Variants in MBNL1 observed in about 807,000 individuals in gnomAD.
MBNL1 encodes muscleblind-like protein 1.
In MBNL1, 8 loss-of-function variants were observed where a neutral mutation model predicts 42.2. The observed-to-expected ratio is 0.19, with a 90% CI of 0.11 to 0.34. The LOEUF is 0.34. MBNL1 is among the 10% of genes least tolerant of loss of function. MBNL1 has a pLI of 1.00. For missense variants in MBNL1, 309 were observed against 495.3 expected (o/e 0.62, Z 3.57); for synonymous variants, 169 against 173.9 (o/e 0.97, Z 0.22).
rs1433105702 is a variant in MBNL1 at position 152,432,697 on chromosome 3, G to C, written c.346-20G>C. The C allele has an allele frequency of 6.2e-7, 1 of 1,609,708 alleles. No homozygotes were observed. Among genetic ancestry groups the C allele is most frequent in the South Asian group, 1.1e-5 (1 of 90,982 alleles). On this transcript the variant is annotated intron_variant, in intron 3 of 9. Coordinates refer to ENST00000324210, the MANE Select transcript of MBNL1 (RefSeq NM_021038.5). The stretch of plus-strand genomic sequence containing the variant: ...AGCTGAGACCTGCATGTTAAATTTT[G>C]CTTTTATTTTATTTTTCAGCCAATG...
At chr3:152,258,419 G>T (rs1028664432) in intron 2 of MBNL1, among the ~76,000 whole-genome samples, 3 of 152,146 alleles carry the variant, frequency 2.0e-5, no homozygotes, top group Non-Finnish European at 4.4e-5. Flanking sequence ...ATGTCTAATA[G>T]CCAAGGCCAT....
At chr3:152,263,893 G>GT (rs2036739246), upstream of MBNL1, 1 of 151,832 alleles carries the variant, frequency 6.6e-6, no homozygotes, top group African/African-American at 2.4e-5. Context: ...AGGTTAGGTA[G>GT]TTTTTGTTCA....
chr3:152,293,967 ATATG>A (rs1424744377), intron 1 of MBNL1, among the ~76,000 whole-genome samples: 1 of 151,838 alleles, frequency 6.6e-6, no homozygotes, highest in African/African-American at 2.4e-5. Flanking sequence ...ATATATATAT[ATATG>A]TAATTTTTAA....
intron 2 of MBNL1, among the ~76,000 whole-genome samples, chr3:152,363,070 A>G (rs1041942591): frequency 1.3e-5 from 2 of 152,166 alleles, no homozygotes; most frequent in African/African-American, 2.4e-5. Flanking sequence ...TAAAAATTCT[A>G]TGTTTTGACA....
chr3:152,408,597 TA>T (rs1259972593), intron 2 of MBNL1, among the ~76,000 whole-genome samples: 4 of 151,918 alleles, frequency 2.6e-5, no homozygotes, highest in Non-Finnish European at 5.9e-5. Context: ...TATTTGGTAT[TA>T]TGATAACTAT....
At chr3:152,398,001 AT>A (rs1366337963) in intron 2 of MBNL1, among the ~76,000 whole-genome samples, 2 of 152,164 alleles carry the variant, frequency 1.3e-5, no homozygotes, top group African/African-American at 4.8e-5. Flanking sequence ...ATTCATTTAT[AT>A]TTTTTCACAA....
At chr3:152,363,308 C>T (rs973680993) in intron 2 of MBNL1, among the ~76,000 whole-genome samples, 1 of 152,056 alleles carries the variant, frequency 6.6e-6, no homozygotes, top group Non-Finnish European at 1.5e-5. Context: ...ACCTTGCACA[C>T]CAAGAGCCTG....
chr3:152,366,452 G>A (rs899969138), intron 2 of MBNL1, among the ~76,000 whole-genome samples: 3 of 152,128 alleles, frequency 2.0e-5, no homozygotes, highest in African/African-American at 7.2e-5. Flanking sequence ...AGAGGATAAT[G>A]TGATACCCTC....
intron 2 of MBNL1, among the ~76,000 whole-genome samples, chr3:152,398,610 G>A (rs1306437079): frequency 1.3e-5 from 2 of 152,112 alleles, no homozygotes; most frequent in Non-Finnish European, 2.9e-5. Flanking sequence ...GTTACCTCTT[G>A]CCTGGACTGT....
At chr3:152,433,767 A>G (rs900245193) in intron 4 of MBNL1, among the ~76,000 whole-genome samples, 108 of 151,246 alleles carry the variant, frequency 7.1e-4, no homozygotes, top group African/African-American at 2.4e-3. Context: ...AAAAAAAAAA[A>G]GTTTTTTGCA....
chr3:152,370,629 A>G (rs2096616835), intron 2 of MBNL1, among the ~76,000 whole-genome samples: 1 of 152,118 alleles, frequency 6.6e-6, no homozygotes, highest in Non-Finnish European at 1.5e-5. Context: ...ATTGGGTGGG[A>G]GTCTAAGTCT....
At chr3:152,339,284 C>G (rs924200625) in intron 2 of MBNL1, among the ~76,000 whole-genome samples, 5 of 152,112 alleles carry the variant, frequency 3.3e-5, no homozygotes, top group African/African-American at 1.2e-4. Flanking sequence ...AATAAAAAAA[C>G]TTTTTGGGAA....
At chr3:152,290,078 T>G (rs1161762323) in intron 1 of MBNL1, among the ~76,000 whole-genome samples, 1 of 152,124 alleles carries the variant, frequency 6.6e-6, no homozygotes, top group African/African-American at 2.4e-5. Flanking sequence ...TGGGCCATAT[T>G]CAATATAAAT....
At chr3:152,365,325 TC>T (rs2096285980) in intron 2 of MBNL1, among the ~76,000 whole-genome samples, 1 of 152,088 alleles carries the variant, frequency 6.6e-6, no homozygotes, top group Admixed American at 6.6e-5. Context: ...ACATGACTAT[TC>T]TCTTCAGGTT....
At chr3:152,388,633 A>T (rs1421689307) in intron 2 of MBNL1, among the ~76,000 whole-genome samples, 1 of 152,202 alleles carries the variant, frequency 6.6e-6, no homozygotes, top group Non-Finnish European at 1.5e-5. Context: ...AGGTATGACT[A>T]GGTACTGTAT....
At chr3:152,439,165 T>A (rs575694425) in intron 4 of MBNL1, among the ~76,000 whole-genome samples, 16 of 152,326 alleles carry the variant, frequency 1.1e-4, no homozygotes, top group Non-Finnish European at 2.2e-4. Flanking sequence ...GTTTCTAATT[T>A]GGGCCACTAA....
chr3:152,299,224 T>G (rs374125407), intron 1 of MBNL1, 181 bp from the exon 2 acceptor site: 1 of 153,228 alleles, frequency 6.5e-6, no homozygotes, highest in Non-Finnish European at 1.5e-5. Flanking sequence ...TTTTAATAAA[T>G]CTACGATGGC....
At chr3:152,268,496 C>G (rs1309942638), upstream of MBNL1, 5 of 330,682 alleles carry the variant, frequency 1.5e-5, no homozygotes, top group Admixed American at 1.7e-4. Flanking sequence ...AAGCCCGGTG[C>G]AAGGGCCTCT....
At chr3:152,279,303 C>A (rs1215074004) in intron 1 of MBNL1, among the ~76,000 whole-genome samples, 2 of 152,076 alleles carry the variant, frequency 1.3e-5, no homozygotes, top group Admixed American at 6.6e-5. Context: ...TTGCCTAAAT[C>A]CACATAGCTG....
Sources: gnomAD v4.1 joint callset for allele counts (sites outside exome capture counted in the v4.1 genomes callset) on GRCh38, gnomAD v4.1.1 for gene constraint, MANE v1.5 for transcripts, NCBI Gene and HGNC (gene_info 2026-07-23, HGNC 2026-07-21) for gene names.